C12orf56: variants seen among roughly 807,000 people sequenced by gnomAD.
C12orf56 encodes the protein chromosome 12 open reading frame 56.
Under a neutral mutation model 69.9 loss-of-function variants are expected in C12orf56, and 71 were observed. That is an observed-to-expected ratio of 1.02 (90% CI 0.84 to 1.24). The LOEUF (loss-of-function observed/expected upper bound fraction) is 1.24, where lower values mean the gene tolerates loss of function less well. Among genes scored for constraint, C12orf56 ranks in the 50% most tolerant of loss-of-function variants. The pLI is 0.00. For missense variants in C12orf56, 732 were observed against 738.5 expected (o/e 0.99, Z 0.10); for synonymous variants, 276 against 274.1 (o/e 1.01, Z -0.07).
chr12:64,385,850 C>T (rs1261749197), intron 1 of C12orf56, among the ~76,000 whole-genome samples: 2 of 152,226 alleles, frequency 1.3e-5, no homozygotes, highest in African/African-American at 4.8e-5. Flanking sequence ...TTGTGATTCC[C>T]CTGTCTTGAT....
chr12:64,309,074 T>G (rs762575326), intron 5 of C12orf56, among the ~76,000 whole-genome samples: 3 of 152,234 alleles, frequency 2.0e-5, no homozygotes, highest in Non-Finnish European at 2.9e-5. Flanking sequence ...GTTTTATCTG[T>G]TCTCTTACAT....
intron 1 of C12orf56, among the ~76,000 whole-genome samples, chr12:64,377,281 C>G (rs2039655331): frequency 6.6e-6 from 1 of 150,470 alleles, no homozygotes; most frequent in African/African-American, 2.5e-5. Flanking sequence ...ACCTCCACCT[C>G]CTGGATTCAA....
At chr12:64,308,210 T>C (rs2038541448) in intron 5 of C12orf56, among the ~76,000 whole-genome samples, 1 of 152,070 alleles carries the variant, frequency 6.6e-6, no homozygotes, top group Non-Finnish European at 1.5e-5. Flanking sequence ...TAGTCCCAGC[T>C]ACTCAGCAGG....
intron 5 of C12orf56, among the ~76,000 whole-genome samples, chr12:64,310,085 G>A (rs562932795): frequency 8.0e-5 from 12 of 150,508 alleles, no homozygotes; most frequent in African/African-American, 2.0e-4. Context: ...CGGTGCAATC[G>A]CAGCTTATTA....
At chr12:64,386,734 T>A (rs188991344) in intron 1 of C12orf56, among the ~76,000 whole-genome samples, 172 of 152,024 alleles carry the variant, frequency 1.1e-3, no homozygotes, top group Non-Finnish European at 1.7e-3. Context: ...CTTCACCACG[T>A]TGGCCAGGCT....
At chr12:64,382,262 C>CAAAAAAAA (rs55714337) in intron 1 of C12orf56, among the ~76,000 whole-genome samples, 1 of 97,702 alleles carries the variant, frequency 1.0e-5, no homozygotes, top group Non-Finnish European at 2.0e-5. Flanking sequence ...ACTCTTGTCT[C>CAAAAAAAA]AAAAAAAAAA....
chr12:64,267,054 A>C lies in C12orf56; in HGVS notation c.*129T>G. 1 of 643,492 alleles carries C rather than the reference A, an allele frequency of 1.6e-6. No individual in the cohort carries two copies. The highest frequency in any genetic ancestry group is 2.9e-5 in the East Asian group (1 of 34,102). 39.9% of individuals were successfully genotyped at this position (643,492 alleles called of 1,614,324 possible). ...AGAGGTATTGATGGAACATTCAATT[A>C]AAATCTTTGTTTATAGGACTCAGAG... is the stretch of plus-strand genomic sequence containing the variant. On this transcript the variant is annotated 3_prime_UTR_variant, in exon 13 of 13. Coordinates refer to ENST00000543942, the MANE Select transcript of C12orf56 (RefSeq NM_001170633.2).
At chr12:64,382,249 G>A (rs940066606) in intron 1 of C12orf56, among the ~76,000 whole-genome samples, 1 of 116,612 alleles carries the variant, frequency 8.6e-6, no homozygotes, top group Non-Finnish European at 1.7e-5. Context: ...GCCACAGAAC[G>A]AGACTCTTGT....
chr12:64,368,661 A>G (rs1003775057), intron 1 of C12orf56, among the ~76,000 whole-genome samples: 1 of 152,166 alleles, frequency 6.6e-6, no homozygotes, highest in Non-Finnish European at 1.5e-5. Flanking sequence ...TTATGGGCTA[A>G]TTCATTCTTT....
intron 3 of C12orf56, among the ~76,000 whole-genome samples, chr12:64,328,243 G>C (rs2038869086): frequency 6.6e-6 from 1 of 151,940 alleles, no homozygotes; most frequent in African/African-American, 2.4e-5. Flanking sequence ...TTCTAATCTG[G>C]ATATTTCCCC....
rs11275269 is a variant in C12orf56 at position 64,358,482 on chromosome 12, A to AATAATAATAATCATCATCATCATC, written c.253-5427_253-5426insGATGATGATGATGATTATTATTAT. ...CAAAAGTAATAATAATAATAATAAT[A>AATAATAATAATCATCATCATCATC]ATCATCATCATCATCATCATCATCA... On this transcript the variant is annotated intron_variant, in intron 1 of 12. Coordinates refer to ENST00000543942, the MANE Select transcript of C12orf56 (RefSeq NM_001170633.2). Among the ~76,000 whole-genome samples, 246 of 125,928 alleles carry AATAATAATAATCATCATCATCATC rather than the reference A, an allele frequency of 2.0e-3. 1 individual carries two copies. The highest frequency in any genetic ancestry group is 4.9e-3 in the Admixed American group (57 of 11,668). The allele number at this position is 125,928 out of a possible 152,430, so 82.6% of individuals were successfully genotyped here. A position where few individuals can be genotyped will look rare whatever the true frequency, so the allele number is the denominator to read the frequency against.
At chr12:64,307,147 C>A (rs930659620) in intron 5 of C12orf56, among the ~76,000 whole-genome samples, 2 of 151,892 alleles carry the variant, frequency 1.3e-5, no homozygotes, top group African/African-American at 2.4e-5. Context: ...AATAAAATAC[C>A]AAAATGAAAA....
At chr12:64,327,504 G>T (rs1028375655) in intron 3 of C12orf56, among the ~76,000 whole-genome samples, 2 of 152,186 alleles carry the variant, frequency 1.3e-5, no homozygotes, top group African/African-American at 4.8e-5. Flanking sequence ...GTGTAGTGGT[G>T]TTTCTTAGTT....
chr12:64,384,954 T>G (rs2039768484), intron 1 of C12orf56, among the ~76,000 whole-genome samples: 1 of 150,982 alleles, frequency 6.6e-6, no homozygotes, highest in South Asian at 2.1e-4. Flanking sequence ...CCCGAGAGGC[T>G]GAGGCAAGAG....
intron 1 of C12orf56, among the ~76,000 whole-genome samples, chr12:64,376,110 G>A (rs1157902756): frequency 2.0e-5 from 3 of 152,164 alleles, no homozygotes; most frequent in Non-Finnish European, 4.4e-5. Context: ...CAATAGGAAA[G>A]GCCCAATTCT....
At chr12:64,303,831 G>C in intron 5 of C12orf56, 52 bp from the exon 6 acceptor site, 1 of 1,511,112 alleles carries the variant, frequency 6.6e-7, no homozygotes, top group Non-Finnish European at 8.8e-7. Flanking sequence ...AGACATAGCA[G>C]TTTAGGAATA....
At chr12:64,370,673 A>T (rs2039558783) in intron 1 of C12orf56, among the ~76,000 whole-genome samples, 1 of 152,194 alleles carries the variant, frequency 6.6e-6, no homozygotes, top group Non-Finnish European at 1.5e-5. Context: ...AAAGATGCTA[A>T]TTGCACCAAG....
intron 2 of C12orf56, among the ~76,000 whole-genome samples, chr12:64,332,160 T>C (rs144427869): frequency 1.6e-4 from 24 of 151,662 alleles, no homozygotes; most frequent in Middle Eastern, 3.4e-3. Context: ...CAAAAATAGC[T>C]AGGCGCGGTA....
At chr12:64,321,037 A>G (rs2038765858) in intron 3 of C12orf56, among the ~76,000 whole-genome samples, 1 of 152,192 alleles carries the variant, frequency 6.6e-6, no homozygotes, top group Non-Finnish European at 1.5e-5. Context: ...CACTTCTAGA[A>G]TCACAAATAA....
Sources: allele counts gnomAD v4.1 joint callset (sites outside exome capture counted in the v4.1 genomes callset), GRCh38; gene constraint gnomAD v4.1.1; transcripts MANE v1.5; gene names NCBI Gene and HGNC (gene_info 2026-07-23, HGNC 2026-07-21).